C12orf56: variants seen among roughly 807,000 people sequenced by gnomAD.
C12orf56 encodes uncharacterized protein C12orf56.
Under a neutral mutation model 69.9 loss-of-function variants are expected in C12orf56, and 71 were observed. The ratio of observed to expected loss-of-function variants is 1.02; its 90% CI spans 0.84 to 1.24. C12orf56 has a LOEUF of 1.24. C12orf56 is among the 50% of genes most tolerant of loss of function. The pLI is 0.00. For synonymous variants in C12orf56, 276 were observed against 274.1 expected (o/e 1.01, Z -0.07); for missense variants, 732 against 738.5 (o/e 0.99, Z 0.10).
rs1289383979 is a variant in C12orf56, at chr12:64,318,977, G to A, written c.492C>T (p.Asp164=). Residue 164 remains aspartate, a synonymous_variant, in exon 4 of 13, where the codon GAC becomes GAT. Transcript: ENST00000543942. ...TGGATGGTGTACTGCTCTCCTGCTG[G>A]TCCCTGTCAGGTAGAATTTAGTATT... ...SRSLKESPLR[D]QQESSTPSKD... 2 of 1,473,064 alleles carry A rather than the reference G, an allele frequency of 1.4e-6. No individual in the cohort carries two copies. Among genetic ancestry groups the A allele is most frequent in the African/African-American group, 1.4e-5 (1 of 70,446 alleles). 91.2% of individuals were successfully genotyped at this position (1,473,064 alleles called of 1,614,324 possible).
chr12:64,344,983 G>A (rs1212212549), intron 2 of C12orf56, among the ~76,000 whole-genome samples: 1 of 152,000 alleles, frequency 6.6e-6, no homozygotes, highest in Admixed American at 6.6e-5. Context: ...CTACTTAGTG[G>A]GGCCAAATCA....
chr12:64,274,357 G>A (rs2038025353), intron 11 of C12orf56, among the ~76,000 whole-genome samples: 1 of 152,214 alleles, frequency 6.6e-6, no homozygotes, highest in African/African-American at 2.4e-5. Context: ...GCCATGTTAA[G>A]GAGTTTAGTC....
chr12:64,335,938 A>G (rs2038990687), intron 2 of C12orf56, among the ~76,000 whole-genome samples: 1 of 152,188 alleles, frequency 6.6e-6, no homozygotes, highest in Non-Finnish European at 1.5e-5. Flanking sequence ...TTAAGTGCTC[A>G]GCAGTTATTG....
intron 1 of C12orf56, among the ~76,000 whole-genome samples, chr12:64,363,992 G>T (rs1379727328): frequency 2.7e-5 from 4 of 150,906 alleles, no homozygotes; most frequent in South Asian, 2.1e-4. Context: ...ATTCATTTCC[G>T]TTTTTTCTTT....
chr12:64,277,397 A>G (rs17100256), intron 9 of C12orf56, among the ~76,000 whole-genome samples: 3,278 of 152,240 alleles, frequency 0.022, 110 homozygotes, highest in African/African-American at 0.075. Flanking sequence ...TCAAATTTAT[A>G]AAGAATGCTA....
At chr12:64,303,844 A>G (rs554910349) in intron 5 of C12orf56, 65 bp from the exon 6 acceptor site, 8 of 1,484,130 alleles carry the variant, frequency 5.4e-6, no homozygotes, top group African/African-American at 1.4e-5. Context: ...TAGGAATATC[A>G]ATGATTACTG....
chr12:64,282,187 C>G (rs771914052), intron 8 of C12orf56, among the ~76,000 whole-genome samples: 1 of 152,096 alleles, frequency 6.6e-6, no homozygotes, highest in Non-Finnish European at 1.5e-5. Context: ...GAGACCTTGT[C>G]TCTACAAAAA....
At position 64,270,570 on chromosome 12, in the gene C12orf56, C is replaced by A; in HGVS notation, c.1729G>T (p.Glu577Ter). ...TCTCTGTAGTTATTCCTAATATACT[C>A]AGCTAGAGTCCTGCTGTGCCGCAGA... ...SCLRHSRTLA[E>*]YIRNNYREEF... The change falls in exon 12 of 13, where the codon GAG becomes TAG. Residue 577 changes from glutamate (E) to a stop codon, truncating the protein, a stop_gained. Coordinates refer to ENST00000543942, the MANE Select transcript of C12orf56 (RefSeq NM_001170633.2). LOFTEE classifies it high-confidence loss of function. 1.2e-6 allele frequency: 2 copies of A among 1,607,628 alleles called. No homozygotes were observed. The highest frequency in any genetic ancestry group is 1.7e-6 in the Non-Finnish European group (2 of 1,177,674).
chr12:64,356,654 G>A (rs2039321931), intron 1 of C12orf56, among the ~76,000 whole-genome samples: 1 of 152,286 alleles, frequency 6.6e-6, no homozygotes, highest in African/African-American at 2.4e-5. Context: ...GACCAGGGGT[G>A]ACTCAGGTCA....
At chr12:64,330,288 C>T (rs543679710) in intron 3 of C12orf56, among the ~76,000 whole-genome samples, 32 of 152,296 alleles carry the variant, frequency 2.1e-4, no homozygotes, top group African/African-American at 7.2e-4. Context: ...TTTTAAGACC[C>T]TCCAAAGTGT....
At chr12:64,367,901 G>A (rs745359099) in intron 1 of C12orf56, among the ~76,000 whole-genome samples, 8 of 150,598 alleles carry the variant, frequency 5.3e-5, no homozygotes, top group African/African-American at 7.3e-5. Context: ...TCTACCTCCC[G>A]GGTTCAAGTG....
At chr12:64,289,248 G>C (rs1235977288) in intron 6 of C12orf56, among the ~76,000 whole-genome samples, 4 of 85,208 alleles carry the variant, frequency 4.7e-5, no homozygotes, top group African/African-American at 1.6e-4. Flanking sequence ...AGGAGATTTT[G>C]GGCTGAAACA....
intron 2 of C12orf56, among the ~76,000 whole-genome samples, chr12:64,334,924 A>T (rs900665019): frequency 1.3e-5 from 2 of 152,152 alleles, no homozygotes; most frequent in African/African-American, 4.8e-5. Context: ...GTCTATTTAA[A>T]TGTAAACTTA....
chr12:64,351,544 C>T (rs567337850), intron 2 of C12orf56, among the ~76,000 whole-genome samples: 15 of 152,080 alleles, frequency 9.9e-5, no homozygotes, highest in East Asian at 1.9e-4. Context: ...GAAGGGAACT[C>T]GACGGCTACT....
intron 1 of C12orf56, among the ~76,000 whole-genome samples, chr12:64,354,701 A>C (rs1037508191): frequency 6.7e-6 from 1 of 149,690 alleles, no homozygotes; most frequent in Non-Finnish European, 1.5e-5. Flanking sequence ...TCAGGACCTC[A>C]GGTGATCCAT....
intron 5 of C12orf56, among the ~76,000 whole-genome samples, chr12:64,307,297 A>G (rs1329662938): frequency 6.6e-6 from 1 of 151,628 alleles, no homozygotes; most frequent in African/African-American, 2.4e-5. Flanking sequence ...TAAAATGAAT[A>G]CTTTCTTACA....
At chr12:64,350,541 T>C (rs918601025) in intron 2 of C12orf56, among the ~76,000 whole-genome samples, 2 of 152,216 alleles carry the variant, frequency 1.3e-5, no homozygotes, top group Non-Finnish European at 2.9e-5. Flanking sequence ...GATAAAAGCC[T>C]CTTGGGAAAA....
At chr12:64,297,811 G>C (rs897711866) in intron 6 of C12orf56, among the ~76,000 whole-genome samples, 2 of 152,172 alleles carry the variant, frequency 1.3e-5, no homozygotes, top group Non-Finnish European at 2.9e-5. Flanking sequence ...TTGGTTCCAA[G>C]TCTTTGCTAT....
At chr12:64,347,284 C>CTTTTTT (rs35011865) in intron 2 of C12orf56, among the ~76,000 whole-genome samples, 2 of 121,800 alleles carry the variant, frequency 1.6e-5, no homozygotes, top group Admixed American at 9.0e-5. Context: ...AGCCTAGTAA[C>CTTTTTT]TTTTTTTTTT....
Sources: allele counts gnomAD v4.1 joint callset (sites outside exome capture counted in the v4.1 genomes callset), GRCh38; gene constraint gnomAD v4.1.1; transcripts MANE v1.5; gene names NCBI Gene and HGNC (gene_info 2026-07-23, HGNC 2026-07-21).